WDR72: variants seen among roughly 807,000 people sequenced by gnomAD.
WDR72 encodes WD repeat-containing protein 72.
WDR72 carries 120 observed loss-of-function variants against 124.2 expected under a neutral mutation model. The observed-to-expected ratio is 0.97, with a 90% confidence interval of 0.83 to 1.12. The LOEUF is 1.12. Ranked by LOEUF, WDR72 falls within the 50% of genes most tolerant of loss-of-function variation. The pLI is 0.00. For missense variants in WDR72, 1,387 were observed against 1,278.8 expected (o/e 1.08, Z -1.29); for synonymous variants, 452 against 441.7 (o/e 1.02, Z -0.29).
Position 53,699,960 on chromosome 15 carries a change from C to T in WDR72, c.1570-15G>A, listed in dbSNP as rs2140519588. 2 of 1,614,162 alleles carry T rather than the reference C, an allele frequency of 1.2e-6. No homozygotes were observed. Among genetic ancestry groups the T allele is most frequent in the Admixed American group, 1.7e-5 (1 of 60,020 alleles). ...TCACCCCTTAGCTGTGAAAAAACAA[C>T]ATGCTTATGTAAGTAAATAGTCAAA... On this transcript the variant is annotated splice_polypyrimidine_tract_variant and intron_variant, in intron 12 of 19. Coordinates refer to ENST00000360509, the MANE Select transcript of WDR72 (RefSeq NM_182758.4).
At chr15:53,759,022 G>A (rs1047821742) in intron 1 of WDR72, among the ~76,000 whole-genome samples, 1 of 151,724 alleles carries the variant, frequency 6.6e-6, no homozygotes, top group Non-Finnish European at 1.5e-5. Context: ...CAAAAGTCTT[G>A]TCCCCGCAGT....
intron 18 of WDR72, among the ~76,000 whole-genome samples, chr15:53,547,922 A>G (rs12910725): frequency 0.86 from 131,322 of 152,092 alleles, 56,781 homozygotes; most frequent in Middle Eastern, 0.92. Context: ...GGTAGCAGTA[A>G]ATGCTGGACA....
intron 11 of WDR72, 81 bp from the exon 12 acceptor site, chr15:53,702,435 T>G: frequency 8.5e-7 from 1 of 1,175,212 alleles, no homozygotes; most frequent in Non-Finnish European, 1.3e-6. Context: ...CTATAAAATT[T>G]TAACATAAGG....
At chr15:53,571,515 C>A (rs1054254574) in intron 18 of WDR72, among the ~76,000 whole-genome samples, 1 of 152,048 alleles carries the variant, frequency 6.6e-6, no homozygotes, top group Admixed American at 6.6e-5. Context: ...ATAATGTCTT[C>A]CAGGTTCATT....
intron 18 of WDR72, among the ~76,000 whole-genome samples, chr15:53,589,868 T>C (rs906530971): frequency 5.9e-5 from 9 of 152,006 alleles, no homozygotes; most frequent in Admixed American, 4.6e-4. Flanking sequence ...AGTGAACTCT[T>C]ATCAGTCTTT....
At chr15:53,604,223 A>C (rs1277600473) in intron 17 of WDR72, among the ~76,000 whole-genome samples, 1 of 152,202 alleles carries the variant, frequency 6.6e-6, no homozygotes, top group Non-Finnish European at 1.5e-5. Context: ...AAAAACAAGC[A>C]ATAGGGAAAG....
At chr15:53,746,570 C>T (rs1294198481) in intron 1 of WDR72, among the ~76,000 whole-genome samples, 3 of 152,188 alleles carry the variant, frequency 2.0e-5, no homozygotes, top group Non-Finnish European at 4.4e-5. Flanking sequence ...CTCAGATCTG[C>T]CACTTATAGT....
chr15:53,550,359 C>T (rs1450268732), intron 18 of WDR72, among the ~76,000 whole-genome samples: 1 of 152,140 alleles, frequency 6.6e-6, no homozygotes, highest in Admixed American at 6.5e-5. Context: ...AAACAGATAG[C>T]AGGCTGAATT....
At chr15:53,744,602 G>A (rs547924023) in intron 1 of WDR72, among the ~76,000 whole-genome samples, 1 of 152,300 alleles carries the variant, frequency 6.6e-6, no homozygotes, top group South Asian at 2.1e-4. Context: ...CAAATCACCA[G>A]CATGGGGACA....
At chr15:53,554,643 G>T (rs1893860428) in intron 18 of WDR72, among the ~76,000 whole-genome samples, 1 of 152,106 alleles carries the variant, frequency 6.6e-6, no homozygotes, top group Non-Finnish European at 1.5e-5. Flanking sequence ...ATTCTAATTA[G>T]TAACATGGAA....
rs11637936 is a variant in WDR72 at position 53,577,799 on chromosome 15, T to C, written c.3148+19280A>G. ...CTTTATTTGTTTATTAAAGTTAACA[T>C]TGGCTTTAGGTTTTAGATAACTAGG... On this transcript the variant is annotated intron_variant, in intron 18 of 19. Transcript: ENST00000360509. Among the ~76,000 whole-genome samples, 3 of 151,910 alleles carry C rather than the reference T, an allele frequency of 2.0e-5. No individual in the cohort carries two copies. The East Asian group carries it at 5.8e-4, about 30-fold the overall frequency.
intron 9 of WDR72, among the ~76,000 whole-genome samples, chr15:53,710,198 G>C (rs997389896): frequency 9.2e-5 from 14 of 152,134 alleles, no homozygotes; most frequent in African/African-American, 3.4e-4. Context: ...ATCTGAAAAT[G>C]ATATCAATAT....
intron 19 of WDR72, among the ~76,000 whole-genome samples, chr15:53,518,990 C>T (rs7180554): frequency 0.082 from 12,504 of 152,054 alleles, 632 homozygotes; most frequent in East Asian, 0.24. Context: ...GAAACACTTA[C>T]GTAAATGCAT....
At chr15:53,533,138 G>C (rs1892571930) in intron 18 of WDR72, among the ~76,000 whole-genome samples, 1 of 152,048 alleles carries the variant, frequency 6.6e-6, no homozygotes. Context: ...TTGGAACACT[G>C]TGTGTGTCTC....
intron 1 of WDR72, among the ~76,000 whole-genome samples, chr15:53,745,257 G>C (rs912219328): frequency 6.6e-6 from 1 of 152,068 alleles, no homozygotes; most frequent in East Asian, 1.9e-4. Context: ...TCAGCATATG[G>C]AATGAATTGA....
chr15:53,678,825 A>G (rs1025879889), intron 13 of WDR72, among the ~76,000 whole-genome samples: 5 of 152,232 alleles, frequency 3.3e-5, no homozygotes, highest in African/African-American at 1.2e-4. Context: ...AATTGACTGA[A>G]AACAACGATA....
At chr15:53,659,219 G>A (rs76117845) in intron 14 of WDR72, among the ~76,000 whole-genome samples, 6 of 152,298 alleles carry the variant, frequency 3.9e-5, no homozygotes, top group East Asian at 1.9e-4. Flanking sequence ...TTTCAGGCCT[G>A]TGGACGCTGA....
intron 14 of WDR72, among the ~76,000 whole-genome samples, chr15:53,618,655 C>A (rs1015309688): frequency 6.6e-6 from 1 of 151,986 alleles, no homozygotes; most frequent in African/African-American, 2.4e-5. Flanking sequence ...AGCTGCTAGT[C>A]TGTCACACCA....
At chr15:53,675,665 T>A (rs1439638609) in intron 13 of WDR72, among the ~76,000 whole-genome samples, 1 of 152,184 alleles carries the variant, frequency 6.6e-6, no homozygotes, top group Non-Finnish European at 1.5e-5. Context: ...TTAAGTTACT[T>A]ATTGGGTATA....
Sources: allele counts gnomAD v4.1 joint callset (sites outside exome capture counted in the v4.1 genomes callset), GRCh38; gene constraint gnomAD v4.1.1; transcripts MANE v1.5; gene names NCBI Gene and HGNC (gene_info 2026-07-23, HGNC 2026-07-21).